The following SRGAP1 variants were observed in gnomAD, a reference collection of about 807,000 sequenced individuals.
The protein encoded by SRGAP1 is SLIT-ROBO Rho GTPase-activating protein 1.
In SRGAP1, 43 loss-of-function variants were observed where a neutral mutation model predicts 121.9. That is an observed-to-expected ratio of 0.35 (90% CI 0.28 to 0.46). SRGAP1 has a LOEUF of 0.46. Ranked by LOEUF, SRGAP1 falls within the 20% of genes least tolerant of loss-of-function variation. SRGAP1 has a pLI of 1.00. For missense variants in SRGAP1, 1,102 were observed against 1,350.9 expected (o/e 0.82, Z 2.89); for synonymous variants, 447 against 485.4 (o/e 0.92, Z 1.04).
chr12:64,043,099 A>AGGAAATGC, intron 5 of SRGAP1, 127 bp downstream of exon 5: 1 of 703,526 alleles, frequency 1.4e-6, no homozygotes, highest in Non-Finnish European at 2.4e-6. Flanking sequence ...CTCCCATGGG[A>AGGAAATGC]ATGAGAAATG....
At chr12:63,883,362 C>T (rs541818750) in intron 1 of SRGAP1, among the ~76,000 whole-genome samples, 5 of 152,290 alleles carry the variant, frequency 3.3e-5, no homozygotes, top group Admixed American at 2.6e-4. Flanking sequence ...CTAGGTAAGT[C>T]TTTGCCCCAG....
intron 10 of SRGAP1, among the ~76,000 whole-genome samples, chr12:64,082,707 C>T (rs1321164220): frequency 6.6e-6 from 1 of 152,204 alleles, no homozygotes; most frequent in African/African-American, 2.4e-5. Flanking sequence ...CTTAGCCTCC[C>T]AAAGTGCTGA....
intron 1 of SRGAP1, among the ~76,000 whole-genome samples, chr12:63,884,789 T>A (rs1900319252): frequency 6.7e-6 from 1 of 148,632 alleles, no homozygotes. Context: ...TGGCGCGATC[T>A]CGGCTCACTG....
chr12:64,057,244 C>T (rs2035360849), intron 6 of SRGAP1, among the ~76,000 whole-genome samples: 1 of 152,154 alleles, frequency 6.6e-6, no homozygotes, highest in Non-Finnish European at 1.5e-5. Context: ...AGAGAAAACT[C>T]AAAACAACTT....
intron 1 of SRGAP1, among the ~76,000 whole-genome samples, chr12:63,953,880 T>G (rs1338273492): frequency 1.3e-5 from 2 of 152,246 alleles, no homozygotes. Flanking sequence ...TTTGGAGAGC[T>G]TATCATTGGC....
intron 1 of SRGAP1, among the ~76,000 whole-genome samples, chr12:63,873,396 G>C (rs1466787279): frequency 1.3e-5 from 2 of 151,870 alleles, no homozygotes; most frequent in East Asian, 3.9e-4. Flanking sequence ...AGCTGAGTAT[G>C]GTGGCGCATG....
chr12:63,959,528 G>A (rs544118199), intron 1 of SRGAP1, among the ~76,000 whole-genome samples: 1 of 152,290 alleles, frequency 6.6e-6, no homozygotes, highest in South Asian at 2.1e-4. Context: ...TAGTTATTTT[G>A]TGAGGATTTG....
At position 63,957,438 on chromosome 12, in the gene SRGAP1, A is replaced by G. The variant is rs115419833; in HGVS notation, c.68-26509A>G. On this transcript the variant is annotated intron_variant, in intron 1 of 21. Coordinates refer to ENST00000355086, the MANE Select transcript of SRGAP1 (RefSeq NM_020762.4). The stretch of plus-strand genomic sequence containing the variant: ...CCAGCGAACCCATAACTATGATGGG[A>G]CATCCACAAGTATCTGGCCCTGGAG... 3.2e-3 allele frequency among the ~76,000 whole-genome samples: 488 copies of G among 152,264 alleles called. 1 individual carries two copies. Among genetic ancestry groups the G allele is most frequent in the African/African-American group, 0.011 (472 of 41,560 alleles).
chr12:63,928,101 G>C (rs1023060367), intron 1 of SRGAP1, among the ~76,000 whole-genome samples: 2 of 152,016 alleles, frequency 1.3e-5, no homozygotes, highest in Admixed American at 1.3e-4. Context: ...TGGTGTTGAG[G>C]TTGTCTTTTC....
intron 21 of SRGAP1, among the ~76,000 whole-genome samples, chr12:64,135,189 C>G (rs1026539844): frequency 6.6e-6 from 1 of 152,220 alleles, no homozygotes; most frequent in African/African-American, 2.4e-5. Context: ...CCCCCAGCTT[C>G]ATCAGGGTCC....
At chr12:63,987,111 T>C (rs1469254541) in intron 2 of SRGAP1, among the ~76,000 whole-genome samples, 3 of 152,218 alleles carry the variant, frequency 2.0e-5, no homozygotes, top group African/African-American at 7.2e-5. Flanking sequence ...GTGAGAAATG[T>C]GATAAACTCT....
At chr12:63,933,491 T>C (rs2031554206) in intron 1 of SRGAP1, among the ~76,000 whole-genome samples, 1 of 152,050 alleles carries the variant, frequency 6.6e-6, no homozygotes, top group African/African-American at 2.4e-5. Flanking sequence ...CTAGCTGAGA[T>C]TTAGAAGCAT....
rs375649685 is a variant in SRGAP1, at chr12:63,898,607, A to G, written c.67+53724A>G. ...GATTTACATTACATAAATATTACAA[A>G]ACAGAAGGAAACTCTACAAACAATC... On this transcript the variant is annotated intron_variant, in intron 1 of 21. Coordinates refer to ENST00000355086, the MANE Select transcript of SRGAP1 (RefSeq NM_020762.4). 5.3e-5 allele frequency among the ~76,000 whole-genome samples: 8 copies of G among 152,322 alleles called. No homozygotes were observed. The East Asian group carries it at 1.3e-3, about 26-fold the overall frequency.
chr12:64,105,275 G>T (rs1205822436), intron 15 of SRGAP1, among the ~76,000 whole-genome samples: 6 of 152,158 alleles, frequency 3.9e-5, no homozygotes, highest in Non-Finnish European at 8.8e-5. Context: ...ACTGCATTGT[G>T]TGTGCATACC....
intron 1 of SRGAP1, among the ~76,000 whole-genome samples, chr12:63,953,583 T>C (rs144900145): frequency 0.011 from 1,676 of 152,040 alleles, 7 homozygotes; most frequent in Non-Finnish European, 0.016. Flanking sequence ...TTAAAGTTTT[T>C]TTTTTTACAG....
rs370855657 is a variant in SRGAP1 at position 63,844,907 on chromosome 12, G to T, written c.67+24G>T. 58 of 1,610,240 alleles carry T rather than the reference G, an allele frequency of 3.6e-5. No individual in the cohort carries two copies. Among genetic ancestry groups the T allele is most frequent in the Admixed American group, 1.2e-4 (7 of 60,012 alleles). ...AGGTAAGGATGGGAGCGGCTGCCTT[G>T]CTCCTTTTGTGTGCCTTCTTGTCAT... is the stretch of plus-strand genomic sequence containing the variant. On this transcript the variant is annotated intron_variant, in intron 1 of 21. Coordinates refer to ENST00000355086, the MANE Select transcript of SRGAP1 (RefSeq NM_020762.4). This position sits in a 1 kb window ranked among gnomAD's most constrained non-coding sequence, Gnocchi z 4.3.
intron 8 of SRGAP1, among the ~76,000 whole-genome samples, chr12:64,078,683 T>C (rs1024358651): frequency 6.6e-5 from 10 of 150,462 alleles, no homozygotes; most frequent in Non-Finnish European, 1.2e-4. Context: ...TACCCAGATA[T>C]GAGATTTATA....
chr12:64,159,563 T>TG lies in SRGAP1; in HGVS notation c.*16894dup, dbSNP rs2136670562. The TG allele has an allele frequency of 6.5e-6, 1 of 152,832 alleles. No homozygotes were observed. Among genetic ancestry groups the TG allele is most frequent in the East Asian group, 1.9e-4 (1 of 5,190 alleles). The allele number at this position is 152,832 out of a possible 1,614,324, so 9.5% of individuals were successfully genotyped here. ...CTGAAGTGAAAGGATCGCTTGAGCC[T>TG]GGGAGGTAGACGCTGCAGTGAGCTG... On this transcript the variant is annotated 3_prime_UTR_variant, in exon 22 of 22. Transcript: ENST00000355086.
At chr12:64,024,136 A>G (rs892374754) in intron 4 of SRGAP1, among the ~76,000 whole-genome samples, 1 of 152,214 alleles carries the variant, frequency 6.6e-6, no homozygotes. Flanking sequence ...ATCGGCTTTC[A>G]TATTAGGATA....
Sources: gnomAD v4.1 joint callset for allele counts (sites outside exome capture counted in the v4.1 genomes callset) on GRCh38, gnomAD v4.1.1 for gene constraint, Gnocchi (gnomAD v3.1) non-coding constraint, MANE v1.5 for transcripts, NCBI Gene and HGNC (gene_info 2026-07-23, HGNC 2026-07-21) for gene names.